PHF14: variants seen among roughly 807,000 people sequenced by gnomAD.
PHF14 encodes PHD finger protein 14.
PHF14 carries 55 observed loss-of-function variants against 117.9 expected under a neutral mutation model. The observed-to-expected ratio is 0.47, with a 90% CI of 0.38 to 0.58. PHF14 has a LOEUF of 0.58. Among genes scored for constraint, PHF14 ranks in the 20% least tolerant of loss-of-function variants. The probability of loss-of-function intolerance (pLI) is 0.00; values close to 1 mark genes in which losing one functional copy is unlikely to be tolerated. For synonymous variants in PHF14, 409 were observed against 368.6 expected, an observed-to-expected ratio of 1.11 and a Z score of -1.26; for missense variants, 978 against 1,122.2, an observed-to-expected ratio of 0.87 and a Z score of 1.84.
At chr7:10,997,894 G>A (rs765174179) in intron 4 of PHF14, among the ~76,000 whole-genome samples, 10 of 152,112 alleles carry the variant, frequency 6.6e-5, no homozygotes, top group Non-Finnish European at 1.5e-4. Context: ...GCCATATTCC[G>A]CTGTTCACAC....
intron 16 of PHF14, chr7:11,104,589 A>G (rs1163692583): frequency 1.0e-6 from 1 of 983,968 alleles, no homozygotes; most frequent in Non-Finnish European, 1.2e-6. Context: ...AGGAAGAAAC[A>G]TGAAAATATC....
intron 17 of PHF14, among the ~76,000 whole-genome samples, chr7:11,168,816 C>T (rs1026335454): frequency 4.6e-5 from 7 of 152,098 alleles, no homozygotes; most frequent in Non-Finnish European, 5.9e-5. Context: ...CACTTCATTT[C>T]TATGAAAGCA....
chr7:11,166,486 G>A (rs1789204943), intron 17 of PHF14, among the ~76,000 whole-genome samples: 2 of 152,088 alleles, frequency 1.3e-5, no homozygotes, highest in Admixed American at 6.6e-5. Context: ...TTACTTTAAT[G>A]ATTTTTATTA....
chr7:11,083,618 G>A (rs979687190), intron 16 of PHF14, among the ~76,000 whole-genome samples: 2 of 151,652 alleles, frequency 1.3e-5, no homozygotes, highest in Non-Finnish European at 1.5e-5. Context: ...CCGCCACTAC[G>A]CCCGGCTAAC....
At chr7:11,156,490 A>G (rs1362130219) in intron 17 of PHF14, among the ~76,000 whole-genome samples, 3 of 152,180 alleles carry the variant, frequency 2.0e-5, no homozygotes, top group African/African-American at 4.8e-5. Context: ...ACTTGGTAGT[A>G]AAGTTTTAGA....
intron 4 of PHF14, among the ~76,000 whole-genome samples, chr7:10,996,037 G>T (rs1297195923): frequency 6.6e-6 from 1 of 152,254 alleles, no homozygotes; most frequent in African/African-American, 2.4e-5. Context: ...GGCCGAGGAG[G>T]TGCCAAGAGT....
chr7:10,983,187 C>A, intron 3 of PHF14, 28 bp downstream of exon 3: 1 of 1,559,192 alleles, frequency 6.4e-7, no homozygotes, highest in Middle Eastern at 1.7e-4. Context: ...TTATATCTGT[C>A]TGTCTGGGGA....
chr7:11,146,910 G>A (rs949458606), intron 17 of PHF14, among the ~76,000 whole-genome samples: 5 of 152,106 alleles, frequency 3.3e-5, no homozygotes, highest in South Asian at 4.1e-4. Flanking sequence ...CCAGTGGTGC[G>A]ATCACAGCTC....
At chr7:10,975,273 TGA>T (rs1781822396) in intron 2 of PHF14, among the ~76,000 whole-genome samples, 1 of 152,238 alleles carries the variant, frequency 6.6e-6, no homozygotes, top group South Asian at 2.1e-4. Flanking sequence ...AAAAGTATCC[TGA>T]GAGGTGTGTG....
At chr7:11,161,231 C>CA (rs1307234936) in intron 17 of PHF14, among the ~76,000 whole-genome samples, 2 of 150,916 alleles carry the variant, frequency 1.3e-5, no homozygotes, top group East Asian at 3.9e-4. Context: ...AGGGCCTGAG[C>CA]AAAAAAAATA....
intron 17 of PHF14, among the ~76,000 whole-genome samples, chr7:11,112,807 A>T (rs778283677): frequency 6.8e-4 from 103 of 152,102 alleles, no homozygotes; most frequent in Non-Finnish European, 1.3e-3. Flanking sequence ...TATGAGGATT[A>T]TTAAGATATA....
At chr7:11,136,851 A>AGAC (rs1443216210) in intron 17 of PHF14, among the ~76,000 whole-genome samples, 1 of 152,220 alleles carries the variant, frequency 6.6e-6, no homozygotes, top group Non-Finnish European at 1.5e-5. Flanking sequence ...GTCTGTGGTC[A>AGAC]ACATGGTCAT....
intron 14 of PHF14, among the ~76,000 whole-genome samples, chr7:11,053,294 A>G (rs1162304722): frequency 1.3e-5 from 2 of 152,094 alleles, no homozygotes; most frequent in African/African-American, 4.8e-5. Context: ...GTCATATAAA[A>G]TTTATGAGGC....
chr7:11,122,398 C>T (rs368009113), intron 17 of PHF14, among the ~76,000 whole-genome samples: 71 of 123,516 alleles, frequency 5.7e-4, no homozygotes, highest in Non-Finnish European at 1.0e-3. Flanking sequence ...CATACACACA[C>T]ATATATATAT....
At chr7:10,987,074 G>A (rs569320243) in intron 3 of PHF14, among the ~76,000 whole-genome samples, 1 of 152,072 alleles carries the variant, frequency 6.6e-6, no homozygotes, top group Non-Finnish European at 1.5e-5. Flanking sequence ...AAATGTAAAT[G>A]TTTTGCCAAA....
At chr7:11,105,936 A>G in intron 16 of PHF14, 1 of 984,828 alleles carries the variant, frequency 1.0e-6, no homozygotes, top group South Asian at 4.7e-5. Flanking sequence ...TGAACAGGGA[A>G]ATACAAAGTT....
At chr7:11,007,175 A>T (rs567447733) in intron 4 of PHF14, among the ~76,000 whole-genome samples, 2 of 152,168 alleles carry the variant, frequency 1.3e-5, no homozygotes, top group East Asian at 3.9e-4. Flanking sequence ...CCCGGGTAAC[A>T]AGAGCGAAAC....
rs972878218 is a variant in PHF14, at chr7:10,990,623, GTAAT to G, written c.901-79_901-76del. On this transcript the variant is annotated intron_variant, in intron 3 of 17. Transcript: ENST00000634607. The stretch of plus-strand genomic sequence containing the variant: ...TGGAAATGCATATAATAATGTTTAA[GTAAT>G]AAAGAATTTTAGTGATTAAGTTTTT... 1.2e-5 allele frequency: 10 copies of G among 819,582 alleles called. No homozygotes were observed. The Admixed American group carries it at 2.6e-4, about 21-fold the overall frequency. 50.8% of individuals were successfully genotyped at this position (819,582 alleles called of 1,614,324 possible).
rs186846819 is a variant in PHF14 at position 11,158,787 on chromosome 7, T to C, written c.2773-10629T>C. ...TAAGATGTTCCATGTATGTCATAGT[T>C]GCTTACAGATTAGCCTGAAGTCCAT... On this transcript the variant is annotated intron_variant, in intron 17 of 17. Coordinates refer to ENST00000634607, the MANE Select transcript of PHF14 (RefSeq NM_001007157.2). Among the ~76,000 whole-genome samples, 168 of 152,268 alleles carry C rather than the reference T, an allele frequency of 1.1e-3. 1 individual carries two copies. The highest frequency in any genetic ancestry group is 3.9e-3 in the African/African-American group (161 of 41,572).
Sources: allele counts gnomAD v4.1 joint callset (sites outside exome capture counted in the v4.1 genomes callset), GRCh38; gene constraint gnomAD v4.1.1; transcripts MANE v1.5; gene names NCBI Gene and HGNC (gene_info 2026-07-23, HGNC 2026-07-21).